ANKS6: variants seen among roughly 807,000 people sequenced by gnomAD.
The protein encoded by ANKS6 is ankyrin repeat and SAM domain-containing protein 6.
In ANKS6, 47 loss-of-function variants were observed where a neutral mutation model predicts 77.9. That is an observed-to-expected ratio of 0.60 (90% CI 0.48 to 0.77). ANKS6 has a LOEUF of 0.77. ANKS6 is among the 30% of genes least tolerant of loss of function. The probability of loss-of-function intolerance (pLI) is 0.00; values close to 1 mark genes in which losing one functional copy is unlikely to be tolerated. For synonymous variants in ANKS6, 488 were observed against 501.7 expected (o/e 0.97, Z 0.37); for missense variants, 1,150 against 1,159.1 (o/e 0.99, Z 0.11).
chr9:98,774,662 C>T (rs1453787598), intron 8 of ANKS6, among the ~76,000 whole-genome samples: 1 of 152,228 alleles, frequency 6.6e-6, no homozygotes, highest in Non-Finnish European at 1.5e-5. Flanking sequence ...CAGCCCCCCA[C>T]ATCCCAGCTT....
intron 11 of ANKS6, among the ~76,000 whole-genome samples, chr9:98,757,171 A>G (rs1292449234): frequency 1.3e-5 from 2 of 152,218 alleles, no homozygotes; most frequent in Non-Finnish European, 2.9e-5. Context: ...CCTGATATTA[A>G]TATCTACATC....
intron 1 of ANKS6, 146 bp from the exon 2 acceptor site, chr9:98,790,752 CA>C: frequency 8.6e-7 from 1 of 1,160,660 alleles, no homozygotes; most frequent in Non-Finnish European, 1.2e-6. Context: ...GTGCCAGCCA[CA>C]TGGATGCAGA....
chr9:98,760,717 G>T (rs548394589), intron 11 of ANKS6, among the ~76,000 whole-genome samples: 2 of 152,274 alleles, frequency 1.3e-5, no homozygotes, highest in Middle Eastern at 3.4e-3. Context: ...GCAATCGCAC[G>T]TATCAATAGT....
chr9:98,769,127 G>GAA (rs367857301), intron 10 of ANKS6, among the ~76,000 whole-genome samples: 200 of 102,984 alleles, frequency 1.9e-3, no homozygotes, highest in South Asian at 0.015. Context: ...CTGTCTCAAA[G>GAA]AAAAAAAAAA....
At chr9:98,794,155 A>AG (rs1469419624) in intron 1 of ANKS6, among the ~76,000 whole-genome samples, 7 of 151,266 alleles carry the variant, frequency 4.6e-5, no homozygotes, top group Non-Finnish European at 1.0e-4. Context: ...TCTCAAAAAA[A>AG]AAAAAAAAAA....
At chr9:98,750,924 A>C in intron 13 of ANKS6, 105 bp downstream of exon 13, 1 of 833,264 alleles carries the variant, frequency 1.2e-6, no homozygotes, top group South Asian at 1.5e-5. Context: ...CAACTGTCTC[A>C]GTGCAAGAGA....
Position 98,734,572 on chromosome 9 carries a change from T to C in ANKS6, c.*1947A>G, listed in dbSNP as rs148338449. 4 of 985,450 alleles carry C rather than the reference T, an allele frequency of 4.1e-6. No homozygotes were observed. The Admixed American group carries it at 1.8e-4, about 45-fold the overall frequency. 61.0% of individuals were successfully genotyped at this position (985,450 alleles called of 1,614,324 possible). A position where few individuals can be genotyped will look rare whatever the true frequency, so the allele number is the denominator to read the frequency against. On this transcript the variant is annotated 3_prime_UTR_variant, in exon 15 of 15. Coordinates refer to ENST00000353234, the MANE Select transcript of ANKS6 (RefSeq NM_173551.5). The stretch of plus-strand genomic sequence containing the variant: ...AAGTGCTTCTAGCTCCAGGAGTCTA[T>C]AGGAGTTAGTGGAAAAGGCACAGGC...
chr9:98,792,712 C>T (rs1364698724), intron 1 of ANKS6, among the ~76,000 whole-genome samples: 2 of 152,128 alleles, frequency 1.3e-5, no homozygotes, highest in Non-Finnish European at 2.9e-5. Flanking sequence ...CCGAGATAAA[C>T]TCACAGATTA....
chr9:98,765,561 A>G (rs947953567), intron 11 of ANKS6, among the ~76,000 whole-genome samples: 2 of 152,238 alleles, frequency 1.3e-5, no homozygotes, highest in Non-Finnish European at 2.9e-5. Context: ...CCTGCAGACC[A>G]GAGAACTGCC....
intron 2 of ANKS6, 107 bp downstream of exon 2, chr9:98,789,997 C>A: frequency 6.9e-7 from 1 of 1,446,142 alleles, no homozygotes; most frequent in African/African-American, 1.4e-5. Context: ...GTCTGCAGGG[C>A]TGGACTCTGA....
At chr9:98,785,767 G>A (rs1356815435) in intron 2 of ANKS6, among the ~76,000 whole-genome samples, 1 of 152,140 alleles carries the variant, frequency 6.6e-6, no homozygotes, top group Admixed American at 6.5e-5. Context: ...GAGCCCTCTT[G>A]AGTAACTGGG....
chr9:98,749,926 T>C (rs926282444), intron 13 of ANKS6, among the ~76,000 whole-genome samples: 3 of 152,226 alleles, frequency 2.0e-5, no homozygotes, highest in African/African-American at 7.2e-5. Context: ...TGGAACGTTC[T>C]AAACCAGTGA....
rs1353444944 is a variant in ANKS6 at position 98,732,231 on chromosome 9, T to C, written c.*4288A>G. 2.0e-6 allele frequency: 1 copy of C among 507,922 alleles called. No individual in the cohort carries two copies. Among genetic ancestry groups the C allele is most frequent in the East Asian group, 3.4e-5 (1 of 29,126 alleles). The allele number at this position is 507,922 out of a possible 1,614,324, so 31.5% of individuals were successfully genotyped here. Reference sequence around the variant, plus strand: ...TCTTCAGGAGGCATTTACTTGGAAGTACAGGTCAGCGTTATCCAAAGTTGT... The same window carrying C: ...TCTTCAGGAGGCATTTACTTGGAAGCACAGGTCAGCGTTATCCAAAGTTGT... On this transcript the variant is annotated 3_prime_UTR_variant, in exon 15 of 15. Coordinates refer to ENST00000353234, the MANE Select transcript of ANKS6 (RefSeq NM_173551.5).
At chr9:98,760,377 A>C (rs1832942024) in intron 11 of ANKS6, among the ~76,000 whole-genome samples, 1 of 152,182 alleles carries the variant, frequency 6.6e-6, no homozygotes, top group Non-Finnish European at 1.5e-5. Flanking sequence ...GGGTAGAGTG[A>C]AAGGCTCAAC....
In ANKS6 at chr9:98,790,567, G is replaced by C; in HGVS notation, c.399C>G (p.His133Gln). 1.9e-6 allele frequency: 3 copies of C among 1,609,966 alleles called. No individual in the cohort carries two copies. The highest frequency in any genetic ancestry group is 2.5e-6 in the Non-Finnish European group (3 of 1,176,900). ...HVSVAHLLLD[H>Q]GADVNAQNRL... The stretch of plus-strand genomic sequence containing the variant: ...GGTTCTGGGCATTGACATCAGCCCC[G>C]TGATCCAACAGGAGGTGTGCCACAC... The change falls in exon 2 of 15, where the codon CAC becomes CAG. Residue 133 changes from histidine (H) to glutamine (Q), a missense_variant. Coordinates refer to ENST00000353234, the MANE Select transcript of ANKS6 (RefSeq NM_173551.5).
At chr9:98,775,909 TG>T (rs997624631) in intron 8 of ANKS6, among the ~76,000 whole-genome samples, 2 of 152,206 alleles carry the variant, frequency 1.3e-5, no homozygotes, top group African/African-American at 4.8e-5. Flanking sequence ...TTACACCTGT[TG>T]GGGTGGCAGG....
chr9:98,792,064 A>G (rs749759860), intron 1 of ANKS6, among the ~76,000 whole-genome samples: 27 of 151,888 alleles, frequency 1.8e-4, no homozygotes, highest in Non-Finnish European at 3.2e-4. Flanking sequence ...TCCAAACCCA[A>G]ATCTGTCACT....
rs768248176 is a variant in ANKS6 at position 98,732,630 on chromosome 9, T to C, written c.*3889A>G. On this transcript the variant is annotated 3_prime_UTR_variant, in exon 15 of 15. Coordinates refer to ENST00000353234, the MANE Select transcript of ANKS6 (RefSeq NM_173551.5). ...TTAAAATGGGCAACCATCTTTGAGG[T>C]TTCCCACATCTGCACCGCTCCACAG... 3 of 1,547,660 alleles carry C rather than the reference T, an allele frequency of 1.9e-6. No homozygotes were observed. The highest frequency in any genetic ancestry group is 2.6e-6 in the Non-Finnish European group (3 of 1,146,230).
In ANKS6 at chr9:98,791,894, T is replaced by C. The variant is rs1026263833; in HGVS notation, c.360-1288A>G. On this transcript the variant is annotated intron_variant, in intron 1 of 14. Coordinates refer to ENST00000353234, the MANE Select transcript of ANKS6 (RefSeq NM_173551.5). The surrounding 1 kb of genome is among the most constrained non-coding windows in gnomAD (Gnocchi z 4.3). ...GCAAGAGCCTGGTGACACAGCTCCATCAGCTGCAGGGGGCTGGGCCTCTTG... is the reference window on the plus strand; with the variant it reads ...GCAAGAGCCTGGTGACACAGCTCCACCAGCTGCAGGGGGCTGGGCCTCTTG... 1.2e-4 allele frequency among the ~76,000 whole-genome samples: 19 copies of C among 152,216 alleles called. No individual in the cohort carries two copies. The highest frequency in any genetic ancestry group is 1.1e-3 in the Admixed American group (17 of 15,298).
Sources: allele counts gnomAD v4.1 joint callset (sites outside exome capture counted in the v4.1 genomes callset), GRCh38; gene constraint gnomAD v4.1.1; non-coding constraint Gnocchi (gnomAD v3.1); transcripts MANE v1.5; gene names NCBI Gene and HGNC (gene_info 2026-07-23, HGNC 2026-07-21).